Variants in TRIM23 observed in about 807,000 individuals in gnomAD.
The protein encoded by TRIM23 is tripartite motif containing 23.
In TRIM23, 27 loss-of-function variants were observed where a neutral mutation model predicts 71.0. The ratio of observed to expected loss-of-function variants is 0.38; its 90% CI spans 0.28 to 0.52. TRIM23 has a LOEUF of 0.52. Ranked by LOEUF, TRIM23 falls within the 20% of genes least tolerant of loss-of-function variation. The probability of loss-of-function intolerance (pLI) is 0.84; values close to 1 mark genes in which losing one functional copy is unlikely to be tolerated. For missense variants in TRIM23, 482 were observed against 692.3 expected, an observed-to-expected ratio of 0.70 and a Z score of 3.41; for synonymous variants, 234 against 238.0, an observed-to-expected ratio of 0.98 and a Z score of 0.16.
chr5:65,611,800 A>G lies in TRIM23; in HGVS notation c.448T>C (p.Cys150Arg). Reference protein sequence around the residue: ...TVCATHLCSECSQVTHSTKTL... With the variant: ...TVCATHLCSERSQVTHSTKTL... ...TTTGTAGAATGAGTAACTTGAGAAC[A>G]CTCAGAGCACAAATGAGTTGCACAC... Residue 150 changes from cysteine to arginine, a missense_variant, in exon 4 of 11, where the codon TGT becomes CGT. Around this residue, in one of 2 missense-constraint regions of TRIM23, gnomAD observed 175 missense variants for 196.5 expected, o/e 0.89. Transcript: ENST00000231524. The G allele has an allele frequency of 6.2e-7, 1 of 1,614,170 alleles. No homozygotes were observed. Among genetic ancestry groups the G allele is most frequent in the Non-Finnish European group, 8.5e-7 (1 of 1,180,020 alleles).
chr5:65,610,560 T>G (rs529447401), intron 5 of TRIM23, among the ~76,000 whole-genome samples: 1 of 152,336 alleles, frequency 6.6e-6, no homozygotes, highest in African/African-American at 2.4e-5. Context: ...TGACTGAAAT[T>G]CTTCAAATCT....
At chr5:65,618,816 T>C (rs1213548574) in intron 1 of TRIM23, among the ~76,000 whole-genome samples, 1 of 152,214 alleles carries the variant, frequency 6.6e-6, no homozygotes, top group African/African-American at 2.4e-5. Context: ...CATCTTAAAT[T>C]TCAATTCCTG....
chr5:65,592,936 T>G (rs1459981463), intron 10 of TRIM23, among the ~76,000 whole-genome samples: 2 of 152,236 alleles, frequency 1.3e-5, no homozygotes, highest in Non-Finnish European at 2.9e-5. Flanking sequence ...GCTTATGTGC[T>G]ATTATAAATC....
At chr5:65,598,795 A>G (rs903203755) in intron 7 of TRIM23, among the ~76,000 whole-genome samples, 8 of 152,164 alleles carry the variant, frequency 5.3e-5, no homozygotes, top group South Asian at 2.1e-4. Flanking sequence ...CCATGACCAA[A>G]TGGGCTTTAT....
chr5:65,609,443 C>T lies in TRIM23; in HGVS notation c.844G>A (p.Glu282Lys). The stretch of plus-strand genomic sequence containing the variant: ...GCTCGAATACATGACCGGGCATTCT[C>T]TGCAGTCCCTGGTACCTAAGAAAAT... The part of the protein sequence containing the change: ...AHTEHVPGTA[E>K]NARSCIRAYF... The change falls in exon 6 of 11, where the codon GAG (glutamate) becomes AAG (lysine). Residue 282 changes from glutamate (E) to lysine (K), a missense_variant. Around this residue, in one of 2 missense-constraint regions of TRIM23, gnomAD observed 307 missense variants for 495.8 expected, o/e 0.62. Coordinates refer to ENST00000231524, the MANE Select transcript of TRIM23 (RefSeq NM_001656.4). The T allele has an allele frequency of 6.2e-7, 1 of 1,613,990 alleles. No homozygotes were observed. Among genetic ancestry groups the T allele is most frequent in the Middle Eastern group, 1.7e-4 (1 of 6,060 alleles).
intron 6 of TRIM23, among the ~76,000 whole-genome samples, chr5:65,606,752 A>G (rs1054523547): frequency 1.3e-5 from 2 of 152,194 alleles, no homozygotes; most frequent in African/African-American, 4.8e-5. Flanking sequence ...CCTTCCCTCA[A>G]TAATGCTTAC....
In TRIM23 at chr5:65,591,224, T is replaced by C; in HGVS notation, c.*545A>G. On this transcript the variant is annotated 3_prime_UTR_variant, in exon 11 of 11. Transcript: ENST00000231524. ...CTTATAGTTCTTAGCATTAAAGGTGTTCTGTTAACTCTGAACATAAACATA... is the reference window on the plus strand; with the variant it reads ...CTTATAGTTCTTAGCATTAAAGGTGCTCTGTTAACTCTGAACATAAACATA... The C allele has an allele frequency of 8.1e-7, 1 of 1,239,292 alleles. No individual in the cohort carries two copies. The highest frequency in any genetic ancestry group is 1.0e-6 in the Non-Finnish European group (1 of 990,006). The allele number at this position is 1,239,292 out of a possible 1,614,324, so 76.8% of individuals were successfully genotyped here. A position where few individuals can be genotyped will look rare whatever the true frequency, so the allele number is the denominator to read the frequency against.
intron 7 of TRIM23, among the ~76,000 whole-genome samples, chr5:65,600,178 C>A (rs1754323157): frequency 6.6e-6 from 1 of 152,114 alleles, no homozygotes; most frequent in South Asian, 2.1e-4. Flanking sequence ...GAGAAACTGC[C>A]CCCATGATCC....
chr5:65,597,012 G>A, intron 8 of TRIM23, 39 bp downstream of exon 8: 1 of 1,607,422 alleles, frequency 6.2e-7, no homozygotes, highest in Middle Eastern at 1.7e-4. Context: ...TGTAAGCTAG[G>A]GTTTGTCTAT....
intron 6 of TRIM23, among the ~76,000 whole-genome samples, chr5:65,606,169 G>A (rs577442013): frequency 6.6e-6 from 1 of 152,146 alleles, no homozygotes; most frequent in Admixed American, 6.5e-5. Context: ...TCCACCCAAG[G>A]ATGGTGGCTC....
intron 6 of TRIM23, among the ~76,000 whole-genome samples, chr5:65,606,054 T>C (rs1388954686): frequency 6.6e-6 from 1 of 152,198 alleles, no homozygotes; most frequent in Non-Finnish European, 1.5e-5. Context: ...TCTTTCAATC[T>C]ATTTTAGACA....
At chr5:65,597,256 A>G in intron 7 of TRIM23, 76 bp from the exon 8 acceptor site, 1 of 1,421,642 alleles carries the variant, frequency 7.0e-7, no homozygotes, top group South Asian at 1.2e-5. Context: ...TATTATTTCT[A>G]CATCTCCTAT....
chr5:65,611,924 G>A (rs1459095945), intron 3 of TRIM23, 43 bp from the exon 4 acceptor site: 1 of 1,553,206 alleles, frequency 6.4e-7, no homozygotes, highest in East Asian at 2.3e-5. Flanking sequence ...AACCCAATCA[G>A]TATAACATGA....
In TRIM23 at chr5:65,611,542, A is replaced by G. The variant is rs569823345; in HGVS notation, c.645+61T>C. 53 of 1,548,536 alleles carry G rather than the reference A, an allele frequency of 3.4e-5. 1 individual carries two copies. The South Asian group carries it at 6.2e-4, about 18-fold the overall frequency. On this transcript the variant is annotated intron_variant, in intron 4 of 10. Coordinates refer to ENST00000231524, the MANE Select transcript of TRIM23 (RefSeq NM_001656.4). ...AGAATAAAGAACCAGGTCAGTGAAA[A>G]CGAATACTGAGCTGGTAAAGTAGCT...
chr5:65,610,444 A>G (rs984620828), intron 5 of TRIM23, among the ~76,000 whole-genome samples: 4 of 152,240 alleles, frequency 2.6e-5, no homozygotes, highest in African/African-American at 9.6e-5. Context: ...CTCTAACTAC[A>G]GTGAGCTTCT....
At chr5:65,605,893 C>T (rs1233079707) in intron 6 of TRIM23, among the ~76,000 whole-genome samples, 1 of 152,122 alleles carries the variant, frequency 6.6e-6, no homozygotes, top group African/African-American at 2.4e-5. Flanking sequence ...TTCTCTTTCC[C>T]GCATGCCCTA....
intron 2 of TRIM23, among the ~76,000 whole-genome samples, chr5:65,617,624 T>C (rs533504220): frequency 5.3e-5 from 8 of 152,326 alleles, no homozygotes; most frequent in African/African-American, 1.9e-4. Flanking sequence ...AAACTCATTT[T>C]AACAGAAAAT....
At chr5:65,614,918 G>A (rs553216935) in intron 2 of TRIM23, among the ~76,000 whole-genome samples, 1 of 151,238 alleles carries the variant, frequency 6.6e-6, no homozygotes, top group South Asian at 2.1e-4. Flanking sequence ...TTTTTTTTGA[G>A]ACAGAGTCTT....
At position 65,624,304 on chromosome 5, in the gene TRIM23, C is replaced by T; in HGVS notation, c.-30G>A. 2 of 1,611,498 alleles carry T rather than the reference C, an allele frequency of 1.2e-6. No homozygotes were observed. Among genetic ancestry groups the T allele is most frequent in the South Asian group, 1.1e-5 (1 of 90,870 alleles). On this transcript the variant is annotated 5_prime_UTR_variant, in exon 1 of 11. Transcript: ENST00000231524. ...GCAGGGGAAGCGCCACAGAAACAGCCTTCAGAGTCCTCAACTGAGAGGCGG... is the reference window on the plus strand; with the variant it reads ...GCAGGGGAAGCGCCACAGAAACAGCTTTCAGAGTCCTCAACTGAGAGGCGG...
Sources: allele counts gnomAD v4.1 joint callset (sites outside exome capture counted in the v4.1 genomes callset), GRCh38; gene constraint gnomAD v4.1.1; regional missense constraint gnomAD v4.1.1; transcripts MANE v1.5; gene names NCBI Gene and HGNC (gene_info 2026-07-23, HGNC 2026-07-21).